ARHGEF3: variants seen among roughly 807,000 people sequenced by gnomAD.
ARHGEF3 encodes the protein Rho guanine nucleotide exchange factor 3, also known as 59.8 kDA protein.
In ARHGEF3, 28 loss-of-function variants were observed where a neutral mutation model predicts 63.2. The observed-to-expected ratio is 0.44, with a 90% CI of 0.33 to 0.61. The LOEUF is 0.61. ARHGEF3 is among the 20% of genes least tolerant of loss of function. ARHGEF3 has a pLI of 0.03. For missense variants in ARHGEF3, 533 were observed against 659.3 expected, an observed-to-expected ratio of 0.81 and a Z score of 2.10; for synonymous variants, 266 against 254.2, an observed-to-expected ratio of 1.05 and a Z score of -0.44.
intron 4 of ARHGEF3, among the ~76,000 whole-genome samples, chr3:56,879,570 G>C (rs1336918786): frequency 2.0e-5 from 3 of 151,706 alleles, no homozygotes; most frequent in African/African-American, 7.3e-5. Flanking sequence ...TTATTAAATG[G>C]AATAAAAATT....
chr3:56,946,047 A>G (rs1699479278), intron 3 of ARHGEF3, among the ~76,000 whole-genome samples: 1 of 152,216 alleles, frequency 6.6e-6, no homozygotes, highest in African/African-American at 2.4e-5. Context: ...GCAAACTCCA[A>G]CAGACCCGCA....
chr3:57,044,425 C>A (rs534405486), intron 1 of ARHGEF3, among the ~76,000 whole-genome samples: 1 of 152,326 alleles, frequency 6.6e-6, no homozygotes, highest in Admixed American at 6.5e-5. Flanking sequence ...AAGGAAGATG[C>A]ATGCTGGGGA....
intron 2 of ARHGEF3, among the ~76,000 whole-genome samples, chr3:56,997,400 G>A (rs1702035451): frequency 6.6e-6 from 1 of 152,160 alleles, no homozygotes; most frequent in South Asian, 2.1e-4. Context: ...CCAGGGATCA[G>A]GTGGAGGGCT....
rs543846907 is a variant in ARHGEF3, at chr3:56,988,599, C to T, written c.63-29710G>A. Among the ~76,000 whole-genome samples, 8 of 152,172 alleles carry T rather than the reference C, an allele frequency of 5.3e-5. No individual in the cohort carries two copies. In the South Asian group the frequency reaches 1.0e-3, roughly 20 times the overall value. ...ATCCACAGGAAAGAATTAAAGTGTCCCCATGGGAAGCACAGTGCCCTGCAT... is the reference window on the plus strand; with the variant it reads ...ATCCACAGGAAAGAATTAAAGTGTCTCCATGGGAAGCACAGTGCCCTGCAT... On this transcript the variant is annotated intron_variant, in intron 2 of 12. Coordinates refer to the ARHGEF3 transcript ENST00000338458.
intron 7 of ARHGEF3, among the ~76,000 whole-genome samples, chr3:56,744,657 C>T (rs1256482608): frequency 6.6e-6 from 1 of 151,884 alleles, no homozygotes; most frequent in African/African-American, 2.4e-5. Flanking sequence ...CTGCCCACCT[C>T]GGCCTCCCAA....
intron 3 of ARHGEF3, among the ~76,000 whole-genome samples, chr3:56,898,152 A>G (rs1389921170): frequency 6.6e-6 from 1 of 152,136 alleles, no homozygotes; most frequent in Non-Finnish European, 1.5e-5. Context: ...TCTTGGGATT[A>G]TAGGCATGAG....
chr3:56,908,397 C>T (rs906224530), intron 3 of ARHGEF3, among the ~76,000 whole-genome samples: 5 of 152,182 alleles, frequency 3.3e-5, no homozygotes, highest in Non-Finnish European at 5.9e-5. Context: ...TCCCCATCTC[C>T]GCGTCCGTAT....
At chr3:56,887,209 T>C (rs1021111946) in intron 3 of ARHGEF3, among the ~76,000 whole-genome samples, 2 of 152,180 alleles carry the variant, frequency 1.3e-5, no homozygotes, top group African/African-American at 4.8e-5. Context: ...TGGAGCACTG[T>C]ATTGAGAAGG....
At chr3:56,951,146 G>A (rs149338774) in intron 3 of ARHGEF3, among the ~76,000 whole-genome samples, 1 of 151,748 alleles carries the variant, frequency 6.6e-6, no homozygotes, top group Non-Finnish European at 1.5e-5. Flanking sequence ...GGGGGAGGGG[G>A]GATGGATAGC....
intron 2 of ARHGEF3, among the ~76,000 whole-genome samples, chr3:57,014,325 C>T (rs1232485768): frequency 6.6e-6 from 1 of 152,176 alleles, no homozygotes; most frequent in Non-Finnish European, 1.5e-5. Context: ...AAGAACACAC[C>T]GATTCTGGAC....
intron 1 of ARHGEF3, among the ~76,000 whole-genome samples, chr3:57,067,454 A>AAATAATAATAATAATAAT (rs10528636): frequency 7.1e-4 from 100 of 140,446 alleles, no homozygotes; most frequent in East Asian, 3.6e-3. Context: ...CTCTGTCTCA[A>AAATAATAATAATAATAAT]AATAATAATA....
At chr3:56,979,270 C>T (rs374719898) in intron 2 of ARHGEF3, among the ~76,000 whole-genome samples, 5 of 152,354 alleles carry the variant, frequency 3.3e-5, no homozygotes, top group African/African-American at 1.2e-4. Flanking sequence ...CCTTTAATTG[C>T]ATGCTTTCAT....
chr3:56,967,422 AT>A (rs1700575342), intron 2 of ARHGEF3, among the ~76,000 whole-genome samples: 3 of 79,452 alleles, frequency 3.8e-5, no homozygotes, highest in South Asian at 3.6e-4. Context: ...TATTATACAT[AT>A]TATATATTAT....
At chr3:56,850,738 A>C (rs1222596565) in intron 4 of ARHGEF3, among the ~76,000 whole-genome samples, 1 of 152,178 alleles carries the variant, frequency 6.6e-6, no homozygotes, top group Non-Finnish European at 1.5e-5. Flanking sequence ...AAGCCAATTA[A>C]ACATCCATTC....
At chr3:56,866,724 A>C (rs1298372097) in intron 4 of ARHGEF3, among the ~76,000 whole-genome samples, 1 of 152,220 alleles carries the variant, frequency 6.6e-6, no homozygotes, top group South Asian at 2.1e-4. Context: ...TTGATTGATA[A>C]CTCCTTACAA....
chr3:56,980,314 A>C (rs1454125467), intron 2 of ARHGEF3, among the ~76,000 whole-genome samples: 7 of 151,174 alleles, frequency 4.6e-5, no homozygotes, highest in Non-Finnish European at 8.9e-5. Context: ...GGGCAAAATT[A>C]TTAAACACAA....
At chr3:56,827,591 G>T (rs997883240) in intron 4 of ARHGEF3, among the ~76,000 whole-genome samples, 8 of 151,848 alleles carry the variant, frequency 5.3e-5, no homozygotes, top group African/African-American at 1.9e-4. Context: ...AATGTCTGTT[G>T]TTGCTAGTAA....
chr3:56,738,652 T>A (rs906195093), intron 7 of ARHGEF3, among the ~76,000 whole-genome samples: 1 of 152,178 alleles, frequency 6.6e-6, no homozygotes, highest in Non-Finnish European at 1.5e-5. Flanking sequence ...GTGGATGCAG[T>A]GTTGTCAATA....
intron 2 of ARHGEF3, among the ~76,000 whole-genome samples, chr3:57,029,425 G>A (rs1333440150): frequency 2.8e-5 from 4 of 142,080 alleles, no homozygotes; most frequent in Admixed American, 1.4e-4. Flanking sequence ...GCGAAACTCC[G>A]TCTCAAAAAA....
Sources: gnomAD v4.1 joint callset for allele counts (sites outside exome capture counted in the v4.1 genomes callset) on GRCh38, gnomAD v4.1.1 for gene constraint, MANE v1.5 for transcripts, NCBI Gene and HGNC (gene_info 2026-07-23, HGNC 2026-07-21) for gene names.